The following NAA25 variants were observed in gnomAD, a reference collection of about 807,000 sequenced individuals.
NAA25 encodes the protein N-terminal acetyltransferase B complex subunit NAA25.
NAA25 carries 30 observed loss-of-function variants against 132.5 expected under a neutral mutation model. The ratio of observed to expected loss-of-function variants is 0.23; its 90% CI spans 0.17 to 0.31. The LOEUF is 0.31. Among genes scored for constraint, NAA25 ranks in the 10% least tolerant of loss-of-function variants. NAA25 has a pLI of 1.00. For synonymous variants in NAA25, 359 were observed against 401.9 expected (o/e 0.89, Z 1.28); for missense variants, 771 against 1,150.4 (o/e 0.67, Z 4.77).
At position 112,029,600 on chromosome 12, in the gene NAA25, C is replaced by T. The variant is rs775034391; in HGVS notation, c.2850G>A (p.Leu950=). Residue 950 remains leucine (L), a synonymous_variant, in exon 24 of 24, where the codon CTG becomes CTA. Transcript: ENST00000261745. ...GCTCCCCCATTTCCAGAAGTGAGTGCAGATAACTGCTCTGCACCTTCCCTT... is the reference window on the plus strand; with the variant it reads ...GCTCCCCCATTTCCAGAAGTGAGTGTAGATAACTGCTCTGCACCTTCCCTT... The part of the protein sequence containing the change: ...TVQGKVQSSY[L]HSLLEMGELL... 1 of 1,613,926 alleles carries T rather than the reference C, an allele frequency of 6.2e-7. No individual in the cohort carries two copies.
chr12:112,044,601 C>T (rs1163604885), intron 17 of NAA25, among the ~76,000 whole-genome samples: 1 of 151,762 alleles, frequency 6.6e-6, no homozygotes, highest in Non-Finnish European at 1.5e-5. Flanking sequence ...ACCAGGGAGG[C>T]GGAGCTTGCA....
chr12:112,078,357 G>T, intron 6 of NAA25, 91 bp from the exon 7 acceptor site: 1 of 942,874 alleles, frequency 1.1e-6, no homozygotes, highest in Non-Finnish European at 1.7e-6. Context: ...TTATTTAATA[G>T]AGCATGTCTT....
intron 1 of NAA25, among the ~76,000 whole-genome samples, chr12:112,101,936 G>A (rs1038913560): frequency 2.6e-4 from 38 of 148,120 alleles, no homozygotes; most frequent in African/African-American, 8.5e-4. Flanking sequence ...GTGCAATCCC[G>A]GCTCACTGCA....
chr12:112,105,196 T>G (rs10437843), intron 1 of NAA25, among the ~76,000 whole-genome samples: 2,462 of 151,886 alleles, frequency 0.016, 75 homozygotes, highest in African/African-American at 0.055. Context: ...GGTGCCCGCC[T>G]GCAGTCCCAG....
chr12:112,069,030 A>T (rs372047716), intron 10 of NAA25, 38 bp from the exon 11 acceptor site: 1 of 1,111,850 alleles, frequency 9.0e-7, no homozygotes, highest in Non-Finnish European at 1.3e-6. Context: ...ATTACTCATG[A>T]ACAGAAGCAA....
intron 1 of NAA25, among the ~76,000 whole-genome samples, chr12:112,100,706 G>A (rs548876636): frequency 4.7e-4 from 65 of 138,218 alleles, no homozygotes; most frequent in African/African-American, 1.6e-3. Flanking sequence ...TGCATGCTCC[G>A]CCTCCCGGGC....
chr12:112,027,325 A>T lies in NAA25; in HGVS notation c.*2206T>A, dbSNP rs1047578. The T allele has an allele frequency of 0.24, 35,727 of 149,462 alleles. 5,743 individuals are homozygous for T. Among genetic ancestry groups the T allele is most frequent in the East Asian group, 0.67 (3,454 of 5,146 alleles). 9.3% of individuals were successfully genotyped at this position (149,462 alleles called of 1,614,324 possible). ...CATGTAAGAATATATATATATATAT[A>T]TTTTTTTAACTGTACACAATTTATA... On this transcript the variant is annotated 3_prime_UTR_variant, in exon 24 of 24. Coordinates refer to ENST00000261745, the MANE Select transcript of NAA25 (RefSeq NM_024953.4).
intron 2 of NAA25, among the ~76,000 whole-genome samples, chr12:112,092,287 A>G (rs2079143768): frequency 6.6e-6 from 1 of 151,842 alleles, no homozygotes. Context: ...TGTGGCATGT[A>G]AGTGACTATG....
intron 22 of NAA25, among the ~76,000 whole-genome samples, chr12:112,037,056 A>C (rs76540755): frequency 0.014 from 2,194 of 151,878 alleles, 58 homozygotes; most frequent in African/African-American, 0.051. Context: ...ATTTCAGTTC[A>C]CTGAAAAAAT....
At chr12:112,080,138 G>T (rs1283696897) in intron 5 of NAA25, among the ~76,000 whole-genome samples, 1 of 151,654 alleles carries the variant, frequency 6.6e-6, no homozygotes, top group African/African-American at 2.4e-5. Context: ...AAAATTAGCC[G>T]GGCATGGTAG....
At chr12:112,092,057 G>A (rs112313011) in intron 2 of NAA25, among the ~76,000 whole-genome samples, 15 of 151,926 alleles carry the variant, frequency 9.9e-5, no homozygotes, top group South Asian at 2.1e-4. Context: ...TGGCTAACAC[G>A]GTGAAACCCC....
At position 112,075,663 on chromosome 12, in the gene NAA25, A is replaced by G; in HGVS notation, c.776+15T>C. On this transcript the variant is annotated intron_variant, in intron 8 of 23. Transcript: ENST00000261745. ...TCACTACAGTCAAATGGTACAAAAG[A>G]AAGCTTTTACTCACTTTTTTAGTAA... The G allele has an allele frequency of 1.2e-6, 2 of 1,603,382 alleles. No homozygotes were observed. The highest frequency in any genetic ancestry group is 1.3e-5 in the African/African-American group (1 of 74,834).
chr12:112,060,154 G>A, intron 13 of NAA25, 116 bp downstream of exon 13: 2 of 729,938 alleles, frequency 2.7e-6, no homozygotes, highest in South Asian at 3.7e-5. Flanking sequence ...AAGAAAAGCA[G>A]AACCTAAAAG....
At chr12:112,095,538 T>A (rs1183378085) in intron 1 of NAA25, among the ~76,000 whole-genome samples, 1 of 149,038 alleles carries the variant, frequency 6.7e-6, no homozygotes, top group South Asian at 2.1e-4. Context: ...GAGGCTGCAG[T>A]GAGCTATGAT....
chr12:112,036,340 G>A (rs1283164131), intron 22 of NAA25, among the ~76,000 whole-genome samples: 2 of 152,166 alleles, frequency 1.3e-5, no homozygotes, highest in Admixed American at 6.5e-5. Flanking sequence ...ACTTTAATGA[G>A]TTTGTTATTG....
rs749074999 is a variant in NAA25 at position 112,029,572 on chromosome 12, G to A, written c.2878C>T (p.Leu960=). 2 of 1,613,692 alleles carry A rather than the reference G, an allele frequency of 1.2e-6. No homozygotes were observed. Among genetic ancestry groups the A allele is most frequent in the Non-Finnish European group, 1.7e-6 (2 of 1,179,952 alleles). Residue 960 remains leucine (L), a synonymous_variant, in exon 24 of 24, where the codon CTG becomes TTG. Coordinates refer to ENST00000261745, the MANE Select transcript of NAA25 (RefSeq NM_024953.4). The part of the protein sequence containing the change: ...LHSLLEMGEL[L]KKRLETTKKL... ...TTTGTGGTCTCAAGTCTTTTTTTCA[G>A]CAGCTCCCCCATTTCCAGAAGTGAG...
At chr12:112,042,673 A>T (rs1208422851) in intron 19 of NAA25, among the ~76,000 whole-genome samples, 1 of 152,038 alleles carries the variant, frequency 6.6e-6, no homozygotes, top group Non-Finnish European at 1.5e-5. Flanking sequence ...TGCCTCGCTA[A>T]TTTCTGTATT....
At chr12:112,078,414 C>T in intron 6 of NAA25, 148 bp from the exon 7 acceptor site, 1 of 697,574 alleles carries the variant, frequency 1.4e-6, no homozygotes, top group Admixed American at 2.9e-5. Context: ...AGGATCTTCT[C>T]CATCTATATC....
At chr12:112,091,288 C>A (rs1050298407) in intron 2 of NAA25, among the ~76,000 whole-genome samples, 1 of 150,900 alleles carries the variant, frequency 6.6e-6, no homozygotes, top group Admixed American at 6.6e-5. Flanking sequence ...ATGGTGCACT[C>A]ATGCGTATAA....
Sources: allele counts gnomAD v4.1 joint callset (sites outside exome capture counted in the v4.1 genomes callset), GRCh38; gene constraint gnomAD v4.1.1; transcripts MANE v1.5; gene names NCBI Gene and HGNC (gene_info 2026-07-23, HGNC 2026-07-21).